The following PDGFRA variants were observed in gnomAD, a reference collection of about 807,000 sequenced individuals.
PDGFRA encodes platelet derived growth factor receptor alpha.
Under a neutral mutation model 121.5 loss-of-function variants are expected in PDGFRA, and 25 were observed. The observed-to-expected ratio is 0.21, with a 90% CI of 0.15 to 0.29. The LOEUF (loss-of-function observed/expected upper bound fraction) is 0.29, where lower values mean the gene tolerates loss of function less well. PDGFRA is among the 10% of genes least tolerant of loss of function. The pLI is 1.00. For synonymous variants in PDGFRA, 463 were observed against 494.8 expected (o/e 0.94, Z 0.85); for missense variants, 1,008 against 1,345.1 (o/e 0.75, Z 3.92).
intron 16 of PDGFRA, among the ~76,000 whole-genome samples, chr4:54,282,377 C>T (rs999927975): frequency 6.6e-6 from 1 of 152,140 alleles, no homozygotes; most frequent in African/African-American, 2.4e-5. Flanking sequence ...AGTGCAGGCA[C>T]ATCACATGGC....
chr4:54,277,022 A>G (rs906565845), intron 12 of PDGFRA, among the ~76,000 whole-genome samples: 6 of 152,164 alleles, frequency 3.9e-5, no homozygotes, highest in Non-Finnish European at 7.4e-5. Flanking sequence ...CTGTTTGCAT[A>G]TGGAAAACAG....
In PDGFRA at chr4:54,296,821, G is replaced by A. The variant is rs1724904413; in HGVS notation, c.*1549G>A. On this transcript the variant is annotated 3_prime_UTR_variant, in exon 23 of 23. Transcript: ENST00000257290. ...AGGAAGCCTACTATTTAAATCCTTG[G>A]CTTCAGGTTAGTGACATTTAATGCC... The A allele has an allele frequency of 4.3e-6, 1 of 232,864 alleles. No homozygotes were observed. Among genetic ancestry groups the A allele is most frequent in the African/African-American group, 2.2e-5 (1 of 45,326 alleles). The allele number at this position is 232,864 out of a possible 1,614,324, so 14.4% of individuals were successfully genotyped here.
At chr4:54,273,209 T>C (rs149639011) in intron 9 of PDGFRA, among the ~76,000 whole-genome samples, 283 of 152,170 alleles carry the variant, frequency 1.9e-3, no homozygotes, top group African/African-American at 6.4e-3. Context: ...GGGTGGGAGA[T>C]TGAGATCATT....
chr4:54,291,369 C>A (rs1311944353), intron 22 of PDGFRA, among the ~76,000 whole-genome samples: 2 of 152,180 alleles, frequency 1.3e-5, no homozygotes, highest in Non-Finnish European at 2.9e-5. Context: ...CGTTATCTCA[C>A]CCAAAACAGG....
At chr4:54,276,145 C>G (rs1008228332) in intron 12 of PDGFRA, among the ~76,000 whole-genome samples, 1 of 151,956 alleles carries the variant, frequency 6.6e-6, no homozygotes, top group African/African-American at 2.4e-5. Context: ...TACCTAGGAA[C>G]TGACTCAGTG....
chr4:54,295,091 A>T, intron 22 of PDGFRA, 34 bp from the exon 23 acceptor site: 1 of 1,604,736 alleles, frequency 6.2e-7, no homozygotes, highest in Non-Finnish European at 8.5e-7. Context: ...TCTGTGCAGG[A>T]GTTGTAATAT....
At chr4:54,292,588 G>T (rs1393960785) in intron 22 of PDGFRA, among the ~76,000 whole-genome samples, 2 of 152,096 alleles carry the variant, frequency 1.3e-5, no homozygotes, top group Non-Finnish European at 2.9e-5. Flanking sequence ...TGGGTGATGG[G>T]ATGATCTGTG....
intron 1 of PDGFRA, among the ~76,000 whole-genome samples, chr4:54,235,687 T>G (rs1720969622): frequency 3.3e-5 from 5 of 152,022 alleles, no homozygotes; most frequent in Admixed American, 3.3e-4. Context: ...AGGTAGGAGG[T>G]GCAGGGCAAG....
intron 1 of PDGFRA, chr4:54,230,747 T>C (rs2110161452): frequency 6.6e-6 from 1 of 152,636 alleles, no homozygotes; most frequent in South Asian, 2.1e-4. Context: ...CGGTCCTCTC[T>C]AGTTGGCCTT....
At chr4:54,253,156 G>A (rs1325055425) in intron 1 of PDGFRA, among the ~76,000 whole-genome samples, 1 of 152,188 alleles carries the variant, frequency 6.6e-6, no homozygotes, top group Non-Finnish European at 1.5e-5. Flanking sequence ...GAAGTGCAGG[G>A]CAAGTTATGT....
chr4:54,253,712 C>T (rs530650322), intron 1 of PDGFRA, among the ~76,000 whole-genome samples: 8 of 151,994 alleles, frequency 5.3e-5, no homozygotes, highest in African/African-American at 1.9e-4. Flanking sequence ...TTAGATGGAG[C>T]CTTGCTCTGT....
intron 19 of PDGFRA, 27 bp from the exon 20 acceptor site, chr4:54,288,772 C>A (rs973751616): frequency 3.1e-6 from 4 of 1,270,052 alleles, no homozygotes; most frequent in Non-Finnish European, 4.6e-6. Context: ...GTTTGTTAGT[C>A]CTGGTGTTTT....
At chr4:54,247,627 C>A (rs1168440980) in intron 1 of PDGFRA, among the ~76,000 whole-genome samples, 1 of 152,058 alleles carries the variant, frequency 6.6e-6, no homozygotes, top group Non-Finnish European at 1.5e-5. Context: ...ACTGAATGGG[C>A]AAAAACTGGA....
intron 8 of PDGFRA, among the ~76,000 whole-genome samples, chr4:54,271,515 G>A (rs193072453): frequency 2.0e-4 from 30 of 152,146 alleles, no homozygotes; most frequent in African/African-American, 6.5e-4. Flanking sequence ...TGCCTTTCAA[G>A]CCAAATAACC....
In PDGFRA at chr4:54,283,295, G is replaced by A. The variant is rs566715614; in HGVS notation, c.2324-2076G>A. 8.5e-5 allele frequency among the ~76,000 whole-genome samples: 13 copies of A among 152,226 alleles called. No individual in the cohort carries two copies. The East Asian group carries it at 2.1e-3, about 25-fold the overall frequency. On this transcript the variant is annotated intron_variant, in intron 16 of 22. Transcript: ENST00000257290. ...ACCCTGGTTTTTTAATATATCCTCCGAAATCTAGGCAGAGGCTCCCAAGCC... is the reference window on the plus strand; with the variant it reads ...ACCCTGGTTTTTTAATATATCCTCCAAAATCTAGGCAGAGGCTCCCAAGCC...
At position 54,290,445 on chromosome 4, in the gene PDGFRA, G is replaced by A. The variant is rs56028238; in HGVS notation, c.3013G>A (p.Gly1005Ser). The part of the protein sequence containing the change: ...NEEDKLKDWE[G>S]GLDEQRLSAD... ...GGAAGACAAGCTGAAGGACTGGGAG[G>A]GTGGTCTGGATGAGCAGAGACTGAG... Residue 1005 changes from glycine to serine, a missense_variant, in exon 22 of 23, where the codon GGT becomes AGT. Physicochemically the swap from Gly to Ser is moderately conservative, Grantham distance 56. Transcript: ENST00000257290. 1.2e-6 allele frequency: 2 copies of A among 1,614,100 alleles called. No homozygotes were observed. The highest frequency in any genetic ancestry group is 1.7e-6 in the Non-Finnish European group (2 of 1,179,930).
chr4:54,234,655 C>T (rs1030489208), intron 1 of PDGFRA, among the ~76,000 whole-genome samples: 2 of 152,088 alleles, frequency 1.3e-5, no homozygotes, highest in Admixed American at 1.3e-4. Context: ...TAATGCTTTG[C>T]ATTTACATAG....
chr4:54,293,084 A>C (rs774072174), intron 22 of PDGFRA, among the ~76,000 whole-genome samples: 2 of 152,258 alleles, frequency 1.3e-5, no homozygotes, highest in South Asian at 4.1e-4. Context: ...GATCCAGATA[A>C]GAGTCACACA....
At position 54,296,193 on chromosome 4, in the gene PDGFRA, A is replaced by G; in HGVS notation, c.*921A>G. ...CTGTACTGAATAGGTTCCCCAATCC[A>G]TCGTATTAAAAAACAATTAACTGCC... On this transcript the variant is annotated 3_prime_UTR_variant, in exon 23 of 23. Coordinates refer to ENST00000257290, the MANE Select transcript of PDGFRA (RefSeq NM_006206.6). 2 of 233,068 alleles carry G rather than the reference A, an allele frequency of 8.6e-6. No individual in the cohort carries two copies. The highest frequency in any genetic ancestry group is 6.1e-5 in the East Asian group (1 of 16,466). The allele number at this position is 233,068 out of a possible 1,614,324, so 14.4% of individuals were successfully genotyped here. A position where few individuals can be genotyped will look rare whatever the true frequency, so the allele number is the denominator to read the frequency against.
Sources: gnomAD v4.1 joint callset for allele counts (sites outside exome capture counted in the v4.1 genomes callset) on GRCh38, gnomAD v4.1.1 for gene constraint, MANE v1.5 for transcripts, NCBI Gene and HGNC (gene_info 2026-07-23, HGNC 2026-07-21) for gene names.